The following CDH12 variants were observed in gnomAD, a reference collection of about 807,000 sequenced individuals.
The protein encoded by CDH12 is cadherin-12.
Under a neutral mutation model 74.1 loss-of-function variants are expected in CDH12, and 41 were observed. That is an observed-to-expected ratio of 0.55 (90% CI 0.43 to 0.72). CDH12 has a LOEUF of 0.72. CDH12 is among the 30% of genes least tolerant of loss of function. The pLI is 0.00. For missense variants in CDH12, 945 were observed against 977.2 expected, an observed-to-expected ratio of 0.97 and a Z score of 0.44; for synonymous variants, 399 against 355.0, an observed-to-expected ratio of 1.12 and a Z score of -1.39.
intron 2 of CDH12, among the ~76,000 whole-genome samples, chr5:22,425,171 A>ATAT (rs1491469008): frequency 5.0e-5 from 5 of 99,182 alleles, no homozygotes; most frequent in African/African-American, 1.7e-4. Context: ...ATATATATAT[A>ATAT]AATATATATA....
chr5:22,315,833 C>A (rs1024736298), intron 3 of CDH12, among the ~76,000 whole-genome samples: 1 of 152,036 alleles, frequency 6.6e-6, no homozygotes, highest in African/African-American at 2.4e-5. Flanking sequence ...GAATTAGTGG[C>A]TGCATTGCCA....
chr5:22,571,729 T>C (rs1427152240), intron 1 of CDH12, among the ~76,000 whole-genome samples: 1 of 152,168 alleles, frequency 6.6e-6, no homozygotes, highest in Non-Finnish European at 1.5e-5. Context: ...AATGTCAATG[T>C]TGTTATGTCT....
rs141493972 is a variant in CDH12, at chr5:22,349,876, A to G, written c.-333+55381T>C. Among the ~76,000 whole-genome samples, 1,092 of 152,304 alleles carry G rather than the reference A, an allele frequency of 7.2e-3. 9 individuals are homozygous for G. Among genetic ancestry groups the G allele is most frequent in the African/African-American group, 0.025 (1,046 of 41,558 alleles). ...CAGCCTCCTGAGTAGCTGGGACTAC[A>G]GGCGCAGCTAATCTTTAAAAAATTT... On this transcript the variant is annotated intron_variant, in intron 3 of 14. Coordinates refer to ENST00000382254, the MANE Select transcript of CDH12 (RefSeq NM_004061.5).
At chr5:22,101,739 A>T (rs1027250774) in intron 4 of CDH12, among the ~76,000 whole-genome samples, 2 of 152,230 alleles carry the variant, frequency 1.3e-5, no homozygotes, top group Non-Finnish European at 2.9e-5. Context: ...TATTATTTCC[A>T]AGGAAATGTG....
intron 5 of CDH12, among the ~76,000 whole-genome samples, chr5:21,982,923 T>A (rs1379117046): frequency 3.3e-5 from 5 of 152,012 alleles, no homozygotes; most frequent in Admixed American, 2.6e-4. Flanking sequence ...TGTATTTTTT[T>A]AATATCCTTA....
Position 22,479,067 on chromosome 5 carries a change from G to T in CDH12, c.-428+26203C>A, listed in dbSNP as rs557320140. On this transcript the variant is annotated intron_variant, in intron 2 of 14. Transcript: ENST00000382254. The stretch of plus-strand genomic sequence containing the variant: ...TGGATACATGCAAAAGAAAAGCAAC[G>T]GTTTGCAATAGATTCATATTTCAGA... Among the ~76,000 whole-genome samples the T allele has an allele frequency of 6.6e-5, 10 of 152,244 alleles. 1 individual carries two copies. In the South Asian group the frequency reaches 1.9e-3, roughly 28 times the overall value.
At chr5:22,201,326 C>G (rs1014577359) in intron 4 of CDH12, among the ~76,000 whole-genome samples, 1 of 152,080 alleles carries the variant, frequency 6.6e-6, no homozygotes, top group African/African-American at 2.4e-5. Context: ...ATATACAAAA[C>G]GGAATACTAT....
intron 1 of CDH12, among the ~76,000 whole-genome samples, chr5:22,728,724 T>C (rs1744285254): frequency 6.6e-6 from 1 of 151,820 alleles, no homozygotes; most frequent in Non-Finnish European, 1.5e-5. Flanking sequence ...AATTTGCATA[T>C]GGCTGTCTTC....
chr5:21,924,381 T>A (rs1052497302), intron 6 of CDH12, among the ~76,000 whole-genome samples: 6 of 152,106 alleles, frequency 3.9e-5, no homozygotes, highest in African/African-American at 1.4e-4. Context: ...CTGGGAGTGG[T>A]GGCGGGAACC....
At chr5:22,591,917 G>T (rs1736346732) in intron 1 of CDH12, among the ~76,000 whole-genome samples, 1 of 152,086 alleles carries the variant, frequency 6.6e-6, no homozygotes, top group Non-Finnish European at 1.5e-5. Flanking sequence ...CCAGGTTATT[G>T]CTTCCTTGAG....
intron 2 of CDH12, among the ~76,000 whole-genome samples, chr5:22,494,610 A>G (rs1048327279): frequency 2.4e-4 from 37 of 152,200 alleles, no homozygotes; most frequent in Non-Finnish European, 5.4e-4. Context: ...TCTTGTTTAT[A>G]TCAAGTAGCG....
chr5:22,820,730 T>C (rs190747383), intron 1 of CDH12, among the ~76,000 whole-genome samples: 3,267 of 152,202 alleles, frequency 0.021, 50 homozygotes, highest in Middle Eastern at 0.1. Flanking sequence ...TCTGAAATTG[T>C]GGCAATAATC....
Position 22,679,682 on chromosome 5 carries a change from A to T in CDH12, c.-523+173376T>A, listed in dbSNP as rs140670161. ...TTTAATTGATGATGATAACAACTAG[A>T]AATCATGGAGGTTTATTATGAATCA... On this transcript the variant is annotated intron_variant, in intron 1 of 14. Transcript: ENST00000382254. Among the ~76,000 whole-genome samples, 25 of 152,222 alleles carry T rather than the reference A, an allele frequency of 1.6e-4. No homozygotes were observed. In the East Asian group the frequency reaches 4.8e-3, roughly 29 times the overall value.
At chr5:22,650,982 T>G (rs1739703930) in intron 1 of CDH12, among the ~76,000 whole-genome samples, 1 of 152,080 alleles carries the variant, frequency 6.6e-6, no homozygotes, top group Admixed American at 6.6e-5. Flanking sequence ...CCTATTAATA[T>G]TAGTAGTTAG....
At chr5:22,248,714 G>A (rs1332442914) in intron 3 of CDH12, among the ~76,000 whole-genome samples, 1 of 152,050 alleles carries the variant, frequency 6.6e-6, no homozygotes, top group Non-Finnish European at 1.5e-5. Flanking sequence ...GTATCAATAG[G>A]TTCTTTCACA....
intron 1 of CDH12, among the ~76,000 whole-genome samples, chr5:22,725,860 A>C (rs980351494): frequency 6.6e-6 from 1 of 151,832 alleles, no homozygotes; most frequent in Non-Finnish European, 1.5e-5. Context: ...CATGTAAAAC[A>C]TAAATATATG....
intron 1 of CDH12, among the ~76,000 whole-genome samples, chr5:22,747,240 CAT>C (rs984941475): frequency 3.9e-5 from 6 of 151,932 alleles, no homozygotes; most frequent in Non-Finnish European, 8.8e-5. Flanking sequence ...TAATCAATAA[CAT>C]GTGATTTTTA....
chr5:22,403,475 C>T (rs901043637), intron 3 of CDH12, among the ~76,000 whole-genome samples: 8 of 152,122 alleles, frequency 5.3e-5, no homozygotes, highest in African/African-American at 9.7e-5. Flanking sequence ...TCAATTGATT[C>T]ATTTAGTTTG....
At chr5:22,846,760 C>T (rs900002447) in intron 1 of CDH12, among the ~76,000 whole-genome samples, 6 of 152,112 alleles carry the variant, frequency 3.9e-5, no homozygotes, top group Admixed American at 3.9e-4. Context: ...TAAAAAGTAA[C>T]ACCTGCTTGA....
Sources: allele counts gnomAD v4.1 joint callset (sites outside exome capture counted in the v4.1 genomes callset), GRCh38; gene constraint gnomAD v4.1.1; transcripts MANE v1.5; gene names NCBI Gene and HGNC (gene_info 2026-07-23, HGNC 2026-07-21).